MANBA: variants seen among roughly 807,000 people sequenced by gnomAD.
MANBA encodes the protein mannosidase beta, also known as beta-mannosidase.
MANBA carries 83 observed loss-of-function variants against 111.1 expected under a neutral mutation model. The ratio of observed to expected loss-of-function variants is 0.75; its 90% CI spans 0.63 to 0.90. The LOEUF (loss-of-function observed/expected upper bound fraction) is 0.90. Ranked by LOEUF, MANBA falls within the 40% of genes least tolerant of loss-of-function variation. MANBA has a pLI of 0.00. For missense variants in MANBA, 1,036 were observed against 1,069.0 expected, an observed-to-expected ratio of 0.97 and a Z score of 0.43; for synonymous variants, 370 against 378.7, an observed-to-expected ratio of 0.98 and a Z score of 0.27.
At chr4:102,724,043 G>T in intron 2 of MANBA, 76 bp from the exon 3 acceptor site, 1 of 783,468 alleles carries the variant, frequency 1.3e-6, no homozygotes, top group Admixed American at 2.5e-5. Flanking sequence ...TATTATTTAA[G>T]GCCTAAAGAA....
chr4:102,668,921 A>G (rs898596471), intron 10 of MANBA, 42 bp downstream of exon 10: 8 of 1,488,312 alleles, frequency 5.4e-6, no homozygotes, highest in Non-Finnish European at 6.5e-6. Flanking sequence ...ATACTAAAAC[A>G]TATTATTTGT....
chr4:102,633,701 T>C (rs1303349315), intron 16 of MANBA, among the ~76,000 whole-genome samples: 3 of 152,014 alleles, frequency 2.0e-5, no homozygotes, highest in Non-Finnish European at 4.4e-5. Flanking sequence ...AATGAAGGCC[T>C]AACTCAGGAA....
chr4:102,734,445 G>GC (rs2110201526), intron 1 of MANBA: 3 of 1,606,780 alleles, frequency 1.9e-6, no homozygotes, highest in Non-Finnish European at 2.6e-6. Context: ...CTTCCTGGGA[G>GC]CCATCTTCCA....
At chr4:102,700,540 G>A (rs1439881637) in intron 5 of MANBA, among the ~76,000 whole-genome samples, 1 of 152,022 alleles carries the variant, frequency 6.6e-6, no homozygotes, top group Non-Finnish European at 1.5e-5. Flanking sequence ...ATGTGTCCCA[G>A]AGATTCTGGT....
intron 9 of MANBA, 66 bp from the exon 10 acceptor site, chr4:102,669,115 A>G: frequency 8.3e-7 from 1 of 1,204,556 alleles, no homozygotes; most frequent in Admixed American, 1.9e-5. Flanking sequence ...GAAAGTCTTT[A>G]TTCTGAGCTC....
intron 11 of MANBA, among the ~76,000 whole-genome samples, chr4:102,658,663 G>A (rs930739856): frequency 2.6e-5 from 4 of 152,164 alleles, no homozygotes; most frequent in African/African-American, 9.7e-5. Context: ...CCTAGGAAGT[G>A]GCTTCCTAGC....
intron 7 of MANBA, among the ~76,000 whole-genome samples, chr4:102,675,853 C>A (rs1731701271): frequency 6.6e-6 from 1 of 152,014 alleles, no homozygotes. Flanking sequence ...TGCCCATAAT[C>A]CCAGCTACTT....
At chr4:102,741,377 T>C (rs765086926) in intron 1 of MANBA, among the ~76,000 whole-genome samples, 18 of 152,170 alleles carry the variant, frequency 1.2e-4, no homozygotes, top group African/African-American at 3.6e-4. Flanking sequence ...GAAAACAGTA[T>C]GGAGATTCCT....
intron 10 of MANBA, chr4:102,666,482 T>A (rs1731223702): frequency 6.6e-6 from 1 of 152,102 alleles, no homozygotes; most frequent in Admixed American, 6.6e-5. Context: ...TAATTCAAAG[T>A]GTGATGTGTG....
intron 1 of MANBA, among the ~76,000 whole-genome samples, chr4:102,733,698 G>C (rs1356865172): frequency 1.3e-5 from 2 of 152,136 alleles, no homozygotes; most frequent in African/African-American, 4.8e-5. Flanking sequence ...AAAGTAACCT[G>C]AAGTAATCTG....
At chr4:102,687,231 C>T (rs532668922) in intron 7 of MANBA, among the ~76,000 whole-genome samples, 1 of 152,172 alleles carries the variant, frequency 6.6e-6, no homozygotes, top group Non-Finnish European at 1.5e-5. Context: ...TTTATTTCCT[C>T]AGCAGTTCTG....
At chr4:102,722,277 A>T (rs1427778152) in intron 4 of MANBA, 1 of 157,344 alleles carries the variant, frequency 6.4e-6, no homozygotes, top group Non-Finnish European at 1.4e-5. Flanking sequence ...TGTACAGTTT[A>T]TACAATTAAA....
At chr4:102,756,031 A>G (rs1256760063) in intron 1 of MANBA, among the ~76,000 whole-genome samples, 3 of 152,220 alleles carry the variant, frequency 2.0e-5, no homozygotes, top group East Asian at 3.9e-4. Context: ...TGGTGGGACT[A>G]TAAACTATTT....
intron 1 of MANBA, among the ~76,000 whole-genome samples, chr4:102,742,342 G>A (rs1560809685): frequency 6.6e-6 from 1 of 152,106 alleles, no homozygotes; most frequent in Non-Finnish European, 1.5e-5. Flanking sequence ...GGATCACTAG[G>A]GGTGATGGTG....
chr4:102,688,948 A>T (rs1201039243), intron 7 of MANBA, among the ~76,000 whole-genome samples: 2 of 152,218 alleles, frequency 1.3e-5, no homozygotes, highest in Admixed American at 6.5e-5. Context: ...ACTTACTAGT[A>T]ATATTTGAGT....
intron 1 of MANBA, among the ~76,000 whole-genome samples, chr4:102,740,559 T>C (rs755014701): frequency 6.6e-5 from 10 of 152,206 alleles, no homozygotes; most frequent in Non-Finnish European, 4.4e-5. Flanking sequence ...TATAAGGATA[T>C]AGTCACAAAA....
At position 102,728,367 on chromosome 4, in the gene MANBA, C is replaced by T. The variant is rs75552082; in HGVS notation, c.178-1684G>A. The T allele has an allele frequency of 5.0e-3, 2,601 of 524,854 alleles. 37 individuals carry two copies. Among genetic ancestry groups the T allele is most frequent in the East Asian group, 0.039 (727 of 18,634 alleles). 32.5% of individuals were successfully genotyped at this position (524,854 alleles called of 1,614,324 possible). A position where few individuals can be genotyped will look rare whatever the true frequency, so the allele number is the denominator to read the frequency against. The stretch of plus-strand genomic sequence containing the variant: ...TTCACTCTCTGCAGGCTTTTGCCTA[C>T]ACTTTGAATCTTAGCCAGGCTGTTT... On this transcript the variant is annotated intron_variant, in intron 1 of 16. Coordinates refer to ENST00000647097, the MANE Select transcript of MANBA (RefSeq NM_005908.4).
chr4:102,723,034 T>A lies in MANBA; in HGVS notation c.386A>T (p.Asp129Val). The change falls in exon 4 of 17, where the codon GAT becomes GTT. Residue 129 changes from aspartate (D) to valine (V), a missense_variant. By Grantham distance (152) the Asp-to-Val change is radical. Transcript: ENST00000647097. ...TDNMFNRYSF[D>V]ITNVVRDVNS... is the part of the protein sequence containing the mutation. ...CACGTCCCTGACCACGTTGGTAATA[T>A]CAAAGCTCTAAGTTAAAGGGAACAA... The A allele has an allele frequency of 3.1e-6, 5 of 1,613,750 alleles. No individual in the cohort carries two copies. Among genetic ancestry groups the A allele is most frequent in the Non-Finnish European group, 4.2e-6 (5 of 1,179,756 alleles).
chr4:102,726,365 T>C (rs982441070), intron 2 of MANBA, among the ~76,000 whole-genome samples: 1 of 152,160 alleles, frequency 6.6e-6, no homozygotes. Flanking sequence ...GACTGTTGAT[T>C]AGTAGCACCA....
Sources: gnomAD v4.1 joint callset for allele counts (sites outside exome capture counted in the v4.1 genomes callset) on GRCh38, gnomAD v4.1.1 for gene constraint, MANE v1.5 for transcripts, NCBI Gene and HGNC (gene_info 2026-07-23, HGNC 2026-07-21) for gene names.